The following CNTNAP2 variants were observed in gnomAD, a reference collection of about 807,000 sequenced individuals.
CNTNAP2 encodes the protein contactin associated protein 2.
Under a neutral mutation model 155.2 loss-of-function variants are expected in CNTNAP2, and 98 were observed. That is an observed-to-expected ratio of 0.63 (90% CI 0.54 to 0.75). The LOEUF is 0.75. Among genes scored for constraint, CNTNAP2 ranks in the 30% least tolerant of loss-of-function variants. CNTNAP2 has a pLI of 0.00. For synonymous variants in CNTNAP2, 651 were observed against 631.2 expected (o/e 1.03, Z -0.47); for missense variants, 1,727 against 1,688.1 (o/e 1.02, Z -0.40).
At chr7:146,223,928 T>C (rs1188609041) in intron 1 of CNTNAP2, among the ~76,000 whole-genome samples, 1 of 152,222 alleles carries the variant, frequency 6.6e-6, no homozygotes, top group Admixed American at 6.5e-5. Flanking sequence ...TGGGTAATGA[T>C]GATGATAAAA....
chr7:147,969,747 C>T (rs1042041723), intron 14 of CNTNAP2, among the ~76,000 whole-genome samples: 1 of 152,062 alleles, frequency 6.6e-6, no homozygotes, highest in African/African-American at 2.4e-5. Context: ...CTAACTTTGG[C>T]TTGAGTTATA....
At chr7:146,552,462 C>A (rs1006158958) in intron 1 of CNTNAP2, among the ~76,000 whole-genome samples, 2 of 152,094 alleles carry the variant, frequency 1.3e-5, no homozygotes, top group Non-Finnish European at 2.9e-5. Flanking sequence ...TCTAACCAAC[C>A]AAATTTAAGC....
intron 8 of CNTNAP2, among the ~76,000 whole-genome samples, chr7:147,153,890 G>T (rs1014810576): frequency 6.6e-6 from 1 of 152,102 alleles, no homozygotes; most frequent in Non-Finnish European, 1.5e-5. Flanking sequence ...CTGATTGTGT[G>T]GTAGTAGAAG....
intron 1 of CNTNAP2, among the ~76,000 whole-genome samples, chr7:146,183,019 C>A (rs756041514): frequency 1.7e-4 from 26 of 152,130 alleles, no homozygotes; most frequent in Non-Finnish European, 3.4e-4. Flanking sequence ...TTAAAAATTC[C>A]TTTTAGCTAA....
At chr7:147,397,709 A>AGG (rs901080676) in intron 10 of CNTNAP2, among the ~76,000 whole-genome samples, 1 of 151,998 alleles carries the variant, frequency 6.6e-6, no homozygotes, top group Non-Finnish European at 1.5e-5. Flanking sequence ...GACCAACACA[A>AGG]GGGAAGGTAT....
chr7:147,385,796 C>G (rs1796616565), intron 9 of CNTNAP2, among the ~76,000 whole-genome samples: 1 of 152,228 alleles, frequency 6.6e-6, no homozygotes, highest in South Asian at 2.1e-4. Context: ...GGTGGCCCTC[C>G]TCTCACAGCT....
intron 3 of CNTNAP2, among the ~76,000 whole-genome samples, chr7:146,942,278 C>T (rs1797072703): frequency 6.6e-6 from 1 of 152,010 alleles, no homozygotes; most frequent in Non-Finnish European, 1.5e-5. Context: ...GTTAGATGAA[C>T]AAATTTATAT....
intron 14 of CNTNAP2, among the ~76,000 whole-genome samples, chr7:147,921,141 A>G (rs1267115627): frequency 1.3e-5 from 2 of 152,062 alleles, no homozygotes; most frequent in Non-Finnish European, 2.9e-5. Context: ...AGGCAGAGAA[A>G]TGATTAGATA....
chr7:146,304,679 C>T (rs916308129), intron 1 of CNTNAP2, among the ~76,000 whole-genome samples: 7 of 152,178 alleles, frequency 4.6e-5, no homozygotes, highest in African/African-American at 1.4e-4. Flanking sequence ...GTAACCTGAC[C>T]TTTCTCTCTG....
chr7:147,087,719 G>T (rs555025762), intron 4 of CNTNAP2, among the ~76,000 whole-genome samples: 1 of 152,144 alleles, frequency 6.6e-6, no homozygotes. Flanking sequence ...GCTCATGCCT[G>T]TAATCCCAGC....
intron 22 of CNTNAP2, among the ~76,000 whole-genome samples, chr7:148,402,887 T>C (rs116533812): frequency 0.011 from 1,739 of 151,936 alleles, 32 homozygotes; most frequent in African/African-American, 0.04. Context: ...AGCCTTTCAT[T>C]TTGGGGGGTT....
At chr7:147,313,871 G>C (rs969014954) in intron 9 of CNTNAP2, among the ~76,000 whole-genome samples, 7 of 151,076 alleles carry the variant, frequency 4.6e-5, no homozygotes, top group African/African-American at 1.7e-4. Context: ...CCATTTTCAC[G>C]ATATTGATTC....
At chr7:146,703,588 C>T (rs1800913930) in intron 1 of CNTNAP2, among the ~76,000 whole-genome samples, 2 of 152,006 alleles carry the variant, frequency 1.3e-5, no homozygotes, top group African/African-American at 4.8e-5. Context: ...GCCAGGAAGT[C>T]CAAGATCAAG....
chr7:146,318,205 A>T (rs1016013684), intron 1 of CNTNAP2, among the ~76,000 whole-genome samples: 1 of 152,002 alleles, frequency 6.6e-6, no homozygotes, highest in Admixed American at 6.6e-5. Context: ...ACTAGTGATT[A>T]TAATGATTAT....
chr7:147,885,350 G>A (rs747990580), intron 13 of CNTNAP2, among the ~76,000 whole-genome samples: 1 of 152,188 alleles, frequency 6.6e-6, no homozygotes, highest in African/African-American at 2.4e-5. Context: ...CCAAGGCAAT[G>A]TTTATGTGGA....
chr7:146,721,159 AT>A (rs1801294353), intron 1 of CNTNAP2, among the ~76,000 whole-genome samples: 1 of 133,148 alleles, frequency 7.5e-6, no homozygotes, highest in Non-Finnish European at 1.5e-5. Context: ...TTCTATATAT[AT>A]ATTCTCTCTA....
chr7:146,959,645 G>T (rs912465850), intron 3 of CNTNAP2, among the ~76,000 whole-genome samples: 1 of 149,308 alleles, frequency 6.7e-6, no homozygotes, highest in Non-Finnish European at 1.5e-5. Context: ...ACTTGAACCC[G>T]AGAGGTAGTG....
intron 1 of CNTNAP2, among the ~76,000 whole-genome samples, chr7:146,425,862 A>T (rs1796079297): frequency 6.6e-6 from 1 of 152,030 alleles, no homozygotes; most frequent in Non-Finnish European, 1.5e-5. Context: ...TAAAAAACTA[A>T]ATAAATTTTA....
intron 13 of CNTNAP2, among the ~76,000 whole-genome samples, chr7:147,827,801 T>A (rs536842549): frequency 6.6e-6 from 1 of 152,236 alleles, no homozygotes; most frequent in African/African-American, 2.4e-5. Context: ...CCAGTTGTTT[T>A]CCAGGCCAAA....
Sources: gnomAD v4.1 joint callset for allele counts (sites outside exome capture counted in the v4.1 genomes callset) on GRCh38, gnomAD v4.1.1 for gene constraint, MANE v1.5 for transcripts, NCBI Gene and HGNC (gene_info 2026-07-23, HGNC 2026-07-21) for gene names.